Variants in PPARGC1A observed in about 807,000 individuals in gnomAD.
PPARGC1A encodes PPARG coactivator 1 alpha, also known as peroxisome proliferator-activated receptor gamma coactivator 1-alpha.
Under a neutral mutation model 88.7 loss-of-function variants are expected in PPARGC1A, and 25 were observed. The ratio of observed to expected loss-of-function variants is 0.28; its 90% confidence interval spans 0.21 to 0.39. The LOEUF (loss-of-function observed/expected upper bound fraction) is 0.39, where lower values mean the gene tolerates loss of function less well. PPARGC1A is among the 10% of genes least tolerant of loss of function. The probability of loss-of-function intolerance (pLI) is 1.00; values close to 1 mark genes in which losing one functional copy is unlikely to be tolerated. For missense variants in PPARGC1A, 880 were observed against 968.7 expected (o/e 0.91, Z 1.22); for synonymous variants, 363 against 355.6 (o/e 1.02, Z -0.24).
the PPARGC1A span, among the ~76,000 whole-genome samples, chr4:24,404,536 T>A: frequency 6.6e-6 from 1 of 152,110 alleles, no homozygotes; most frequent in East Asian, 1.9e-4. Context: ...CTGAAAGATA[T>A]ATATTAAAAA....
At chr4:24,005,559 C>T in the PPARGC1A span, among the ~76,000 whole-genome samples, 8 of 152,294 alleles carry the variant, frequency 5.3e-5, no homozygotes, top group African/African-American at 9.6e-5. Context: ...TCCAAGATCA[C>T]GGAATGTAAG....
At chr4:24,122,819 C>T in the PPARGC1A span, among the ~76,000 whole-genome samples, 1 of 152,136 alleles carries the variant, frequency 6.6e-6, no homozygotes, top group Admixed American at 6.5e-5. Flanking sequence ...CAGAGTGATG[C>T]CACTAGCGAG....
At chr4:24,283,760 T>C in the PPARGC1A span, among the ~76,000 whole-genome samples, 1 of 152,108 alleles carries the variant, frequency 6.6e-6, no homozygotes, top group Non-Finnish European at 1.5e-5. Context: ...CTGTGTGACC[T>C]TGGGCAAGTC....
chr4:24,322,774 G>A, the PPARGC1A span, among the ~76,000 whole-genome samples: 1 of 152,162 alleles, frequency 6.6e-6, no homozygotes, highest in African/African-American at 2.4e-5. Flanking sequence ...GGAGAGTCAG[G>A]TTTTTAGCAC....
the PPARGC1A span, among the ~76,000 whole-genome samples, chr4:24,168,642 GAC>G: frequency 0.059 from 8,752 of 147,730 alleles, 555 homozygotes; most frequent in African/African-American, 0.16. Flanking sequence ...CACAGACATA[GAC>G]ACACACACAC....
chr4:24,199,133 C>T, the PPARGC1A span, among the ~76,000 whole-genome samples: 1 of 152,130 alleles, frequency 6.6e-6, no homozygotes, highest in African/African-American at 2.4e-5. Flanking sequence ...ATTCCCACCC[C>T]ATACACGTAA....
At chr4:23,843,131 A>T (rs1449452958) in intron 2 of PPARGC1A, among the ~76,000 whole-genome samples, 1 of 152,062 alleles carries the variant, frequency 6.6e-6, no homozygotes, top group Non-Finnish European at 1.5e-5. Context: ...ACTTCTGACT[A>T]TCACCATTAT....
chr4:24,341,047 G>A, the PPARGC1A span, among the ~76,000 whole-genome samples: 136 of 152,100 alleles, frequency 8.9e-4, 1 homozygote, highest in African/African-American at 3.2e-3. Flanking sequence ...CTTTCATTCT[G>A]TGCAATCCGT....
the PPARGC1A span, among the ~76,000 whole-genome samples, chr4:24,327,526 CCTT>C: frequency 6.6e-6 from 1 of 152,212 alleles, no homozygotes; most frequent in Admixed American, 6.5e-5. Flanking sequence ...CTGTTTTTCT[CCTT>C]CTCTTATTCC....
chr4:23,966,575 C>T, the PPARGC1A span, among the ~76,000 whole-genome samples: 139 of 152,254 alleles, frequency 9.1e-4, no homozygotes, highest in Middle Eastern at 3.4e-3. Flanking sequence ...ACTTTCTCAC[C>T]CATCTCCCGT....
intron 3 of PPARGC1A, among the ~76,000 whole-genome samples, chr4:23,831,050 T>C (rs957504917): frequency 2.6e-5 from 4 of 152,044 alleles, no homozygotes; most frequent in East Asian, 3.8e-4. Context: ...TAGTGAAAAA[T>C]AGAAGAAAAA....
the PPARGC1A span, among the ~76,000 whole-genome samples, chr4:24,440,505 C>G: frequency 9.1e-4 from 138 of 152,234 alleles, 1 homozygote; most frequent in African/African-American, 3.2e-3. Flanking sequence ...GTGTTCATTA[C>G]TTTTCAGATT....
At chr4:23,997,998 G>A in the PPARGC1A span, among the ~76,000 whole-genome samples, 8 of 152,128 alleles carry the variant, frequency 5.3e-5, no homozygotes, top group Non-Finnish European at 1.0e-4. Context: ...ATTCATTAAG[G>A]AACTGAAGCC....
At chr4:23,938,107 TA>T in the PPARGC1A span, among the ~76,000 whole-genome samples, 19 of 146,304 alleles carry the variant, frequency 1.3e-4, no homozygotes, top group Middle Eastern at 3.5e-3. Flanking sequence ...TCAGGGAGAC[TA>T]AAAAAAAAAG....
chr4:24,005,419 A>C, the PPARGC1A span, among the ~76,000 whole-genome samples: 1 of 152,182 alleles, frequency 6.6e-6, no homozygotes, highest in Non-Finnish European at 1.5e-5. Context: ...AACCCCTACC[A>C]GCTGGATAAC....
At chr4:24,070,614 T>C in the PPARGC1A span, among the ~76,000 whole-genome samples, 1 of 152,148 alleles carries the variant, frequency 6.6e-6, no homozygotes, top group Non-Finnish European at 1.5e-5. Flanking sequence ...TCTAGATGAA[T>C]TCTAGAAGAA....
At chr4:23,942,535 TGTTA>T in the PPARGC1A span, among the ~76,000 whole-genome samples, 1 of 152,198 alleles carries the variant, frequency 6.6e-6, no homozygotes, top group Non-Finnish European at 1.5e-5. Flanking sequence ...CCCACATTAC[TGTTA>T]TTTACTTAAA....
At chr4:24,449,920 G>A in the PPARGC1A span, among the ~76,000 whole-genome samples, 1 of 152,106 alleles carries the variant, frequency 6.6e-6, no homozygotes, top group Non-Finnish European at 1.5e-5. Flanking sequence ...TTTATTCCCT[G>A]CAAATAAATG....
the PPARGC1A span, among the ~76,000 whole-genome samples, chr4:24,446,510 G>A: frequency 3.3e-5 from 5 of 152,018 alleles, no homozygotes; most frequent in East Asian, 1.9e-4. Flanking sequence ...CTATTTTAGC[G>A]AAGTAACAGT....
Sources: allele counts gnomAD v4.1 joint callset (sites outside exome capture counted in the v4.1 genomes callset), GRCh38; gene constraint gnomAD v4.1.1; transcripts MANE v1.5; gene names NCBI Gene and HGNC (gene_info 2026-07-23, HGNC 2026-07-21).